Variants in ITGBL1 observed in about 807,000 individuals in gnomAD.
ITGBL1 encodes integrin subunit beta like 1.
Under a neutral mutation model 68.5 loss-of-function variants are expected in ITGBL1, and 51 were observed. The ratio of observed to expected loss-of-function variants is 0.74; its 90% CI spans 0.59 to 0.94. The LOEUF (loss-of-function observed/expected upper bound fraction) is 0.94, where lower values mean the gene tolerates loss of function less well. ITGBL1 is among the 40% of genes least tolerant of loss of function. The probability of loss-of-function intolerance (pLI) is 0.00; values close to 1 mark genes in which losing one functional copy is unlikely to be tolerated. For synonymous variants in ITGBL1, 209 were observed against 227.3 expected (o/e 0.92, Z 0.72); for missense variants, 649 against 647.4 (o/e 1.00, Z -0.03).
chr13:101,713,125 G>A (rs1223107445), intron 9 of ITGBL1: 1 of 152,190 alleles, frequency 6.6e-6, no homozygotes, highest in East Asian at 1.9e-4. Context: ...GTCAAGAAAT[G>A]GCAAACATTT....
chr13:101,632,781 C>G (rs1446066619), intron 7 of ITGBL1, among the ~76,000 whole-genome samples: 4 of 152,206 alleles, frequency 2.6e-5, no homozygotes, highest in Non-Finnish European at 5.9e-5. Flanking sequence ...ATCAGGTTTA[C>G]AAGTTTAGAA....
chr13:101,618,225 G>A (rs2031442634), intron 7 of ITGBL1, among the ~76,000 whole-genome samples: 1 of 152,158 alleles, frequency 6.6e-6, no homozygotes, highest in Admixed American at 6.6e-5. Context: ...GATTAGGAAA[G>A]TGTTAAAGAA....
chr13:101,591,416 T>C (rs953049749), intron 6 of ITGBL1, among the ~76,000 whole-genome samples: 6 of 152,334 alleles, frequency 3.9e-5, no homozygotes, highest in African/African-American at 1.4e-4. Context: ...ATTTGTCAAA[T>C]AGACTCTGTT....
At chr13:101,508,344 T>C (rs75638596) in intron 2 of ITGBL1, among the ~76,000 whole-genome samples, 1,541 of 152,304 alleles carry the variant, frequency 0.01, 23 homozygotes, top group African/African-American at 0.035. Context: ...AAACACTGCA[T>C]GATGAGCATC....
At chr13:101,660,953 G>A (rs1002781299) in intron 7 of ITGBL1, among the ~76,000 whole-genome samples, 12 of 152,108 alleles carry the variant, frequency 7.9e-5, no homozygotes, top group South Asian at 2.1e-4. Flanking sequence ...ATCATTTTGC[G>A]GGGAATATTT....
chr13:101,606,702 A>G (rs773453223), intron 7 of ITGBL1, among the ~76,000 whole-genome samples: 1 of 152,018 alleles, frequency 6.6e-6, no homozygotes, highest in Non-Finnish European at 1.5e-5. Context: ...GAGGATTTGC[A>G]GTGCTGGAGA....
At chr13:101,604,670 G>C (rs888857737) in intron 7 of ITGBL1, among the ~76,000 whole-genome samples, 5 of 150,406 alleles carry the variant, frequency 3.3e-5, no homozygotes, top group African/African-American at 1.2e-4. Context: ...ATGAAAACTT[G>C]TAAAGAGTTC....
At chr13:101,515,974 T>A (rs1341228857) in intron 2 of ITGBL1, among the ~76,000 whole-genome samples, 1 of 152,168 alleles carries the variant, frequency 6.6e-6, no homozygotes, top group African/African-American at 2.4e-5. Flanking sequence ...AACTCAATTA[T>A]ACACCCACAC....
At position 101,536,195 on chromosome 13, in the gene ITGBL1, A is replaced by G. The variant is rs372867496; in HGVS notation, c.317-31504A>G. Among the ~76,000 whole-genome samples the G allele has an allele frequency of 2.6e-5, 4 of 152,078 alleles. 1 individual carries two copies. The highest frequency in any genetic ancestry group is 1.5e-5 in the Non-Finnish European group (1 of 67,918). ...AAAGGACTCTGCGTGGCAAATAATC[A>G]AAAGACTAGGCTATACTTGTTTCTT... On this transcript the variant is annotated intron_variant, in intron 2 of 10. Transcript: ENST00000376180.
At chr13:101,502,149 A>G (rs1206941709) in intron 2 of ITGBL1, among the ~76,000 whole-genome samples, 2 of 152,224 alleles carry the variant, frequency 1.3e-5, no homozygotes, top group Non-Finnish European at 2.9e-5. Flanking sequence ...ATGCTCTTTG[A>G]TAGCTTAAAC....
intron 7 of ITGBL1, among the ~76,000 whole-genome samples, chr13:101,617,627 C>T (rs976587275): frequency 5.9e-5 from 9 of 152,196 alleles, no homozygotes; most frequent in African/African-American, 1.9e-4. Flanking sequence ...AAAATACAGT[C>T]TTTTATTAAA....
At chr13:101,707,247 A>G (rs1412781089) in intron 9 of ITGBL1, among the ~76,000 whole-genome samples, 1 of 152,178 alleles carries the variant, frequency 6.6e-6, no homozygotes, top group Non-Finnish European at 1.5e-5. Flanking sequence ...TATTGGGCTC[A>G]CCTCTGAAAC....
chr13:101,481,345 T>G (rs2139039408), intron 2 of ITGBL1, among the ~76,000 whole-genome samples: 2 of 152,074 alleles, frequency 1.3e-5, no homozygotes, highest in African/African-American at 4.8e-5. Flanking sequence ...TTTAGCTATT[T>G]TAATAGCTAA....
At chr13:101,557,184 A>G (rs146420600) in intron 2 of ITGBL1, among the ~76,000 whole-genome samples, 2,564 of 152,306 alleles carry the variant, frequency 0.017, 38 homozygotes, top group South Asian at 0.065. Context: ...GCACTGTCAG[A>G]TGAAGAATAT....
chr13:101,653,083 T>G, intron 7 of ITGBL1, among the ~76,000 whole-genome samples: 6 of 131,036 alleles, frequency 4.6e-5, no homozygotes, highest in African/African-American at 5.9e-5. Context: ...GCAACAAGAG[T>G]GAAACTGAGA....
chr13:101,481,564 T>C (rs1284916732), intron 2 of ITGBL1, among the ~76,000 whole-genome samples: 1 of 151,960 alleles, frequency 6.6e-6, no homozygotes, highest in Non-Finnish European at 1.5e-5. Context: ...TCCTCCACCT[T>C]ATCCCAGAGA....
At chr13:101,633,812 G>A (rs2032072653) in intron 7 of ITGBL1, among the ~76,000 whole-genome samples, 1 of 152,040 alleles carries the variant, frequency 6.6e-6, no homozygotes, top group African/African-American at 2.4e-5. Context: ...TCTCATACCT[G>A]GTGTCAGGTA....
At chr13:101,479,316 A>C (rs1594834722) in intron 2 of ITGBL1, among the ~76,000 whole-genome samples, 1 of 152,154 alleles carries the variant, frequency 6.6e-6, no homozygotes, top group South Asian at 2.1e-4. Flanking sequence ...ATCAAAATGT[A>C]TTAAAGACTT....
At chr13:101,474,883 A>G (rs1359758281) in intron 2 of ITGBL1, among the ~76,000 whole-genome samples, 1 of 152,222 alleles carries the variant, frequency 6.6e-6, no homozygotes, top group Non-Finnish European at 1.5e-5. Context: ...GTGCCCCCTA[A>G]TGCAGACACA....
Sources: gnomAD v4.1 joint callset for allele counts (sites outside exome capture counted in the v4.1 genomes callset) on GRCh38, gnomAD v4.1.1 for gene constraint, MANE v1.5 for transcripts, NCBI Gene and HGNC (gene_info 2026-07-23, HGNC 2026-07-21) for gene names.